BMPR1B: variants seen among roughly 807,000 people sequenced by gnomAD.
BMPR1B encodes bone morphogenetic protein receptor type 1B.
BMPR1B carries 12 observed loss-of-function variants against 59.1 expected under a neutral mutation model. That is an observed-to-expected ratio of 0.20 (90% CI 0.13 to 0.33). BMPR1B has a LOEUF of 0.33. Ranked by LOEUF, BMPR1B falls within the 10% of genes least tolerant of loss-of-function variation. The probability of loss-of-function intolerance (pLI) is 1.00; values close to 1 mark genes in which losing one functional copy is unlikely to be tolerated. For synonymous variants in BMPR1B, 237 were observed against 207.3 expected, an observed-to-expected ratio of 1.14 and a Z score of -1.23; for missense variants, 550 against 610.9, an observed-to-expected ratio of 0.90 and a Z score of 1.05.
chr4:94,949,951 T>TC (rs1729867120), intron 2 of BMPR1B, among the ~76,000 whole-genome samples: 1 of 152,200 alleles, frequency 6.6e-6, no homozygotes, highest in African/African-American at 2.4e-5. Flanking sequence ...CTCCAGCATC[T>TC]GTTGTTTCCT....
intron 2 of BMPR1B, among the ~76,000 whole-genome samples, chr4:94,927,199 C>G (rs1003847215): frequency 6.6e-6 from 1 of 152,094 alleles, no homozygotes; most frequent in Admixed American, 6.6e-5. Flanking sequence ...GCTTCAAACT[C>G]GTGCTAACAT....
intron 2 of BMPR1B, among the ~76,000 whole-genome samples, chr4:94,878,753 A>G (rs983935732): frequency 9.6e-6 from 1 of 104,506 alleles, no homozygotes; most frequent in African/African-American, 3.9e-5. Flanking sequence ...TTTTTTTTTT[A>G]CTTCTGATAT....
chr4:94,987,020 GAC>G (rs1278129650), intron 2 of BMPR1B, among the ~76,000 whole-genome samples: 1 of 126,190 alleles, frequency 7.9e-6, no homozygotes, highest in Non-Finnish European at 1.6e-5. Context: ...CAGCCTGGGC[GAC>G]AGAGCCAGAC....
intron 2 of BMPR1B, among the ~76,000 whole-genome samples, chr4:94,952,590 TGA>T (rs1177334074): frequency 6.6e-6 from 1 of 152,252 alleles, no homozygotes; most frequent in African/African-American, 2.4e-5. Context: ...TTCTTAATTC[TGA>T]GTTCTAATTT....
chr4:94,817,016 A>G (rs1578677414), intron 1 of BMPR1B, among the ~76,000 whole-genome samples: 1 of 152,140 alleles, frequency 6.6e-6, no homozygotes, highest in Non-Finnish European at 1.5e-5. Context: ...GGCCCTTAGA[A>G]AAAGACTTGA....
intron 2 of BMPR1B, among the ~76,000 whole-genome samples, chr4:94,952,495 T>TC (rs1449126185): frequency 1.3e-5 from 2 of 152,214 alleles, no homozygotes; most frequent in Non-Finnish European, 2.9e-5. Flanking sequence ...ACTTATTTAT[T>TC]TCTGCCTTAA....
At chr4:95,037,159 A>G (rs1578970199) in intron 3 of BMPR1B, among the ~76,000 whole-genome samples, 1 of 152,136 alleles carries the variant, frequency 6.6e-6, no homozygotes, top group East Asian at 1.9e-4. Context: ...CTTCCGTGTT[A>G]GTGGAGTGCT....
At chr4:94,915,164 A>T (rs1371280594) in intron 2 of BMPR1B, among the ~76,000 whole-genome samples, 1 of 152,330 alleles carries the variant, frequency 6.6e-6, no homozygotes, top group East Asian at 1.9e-4. Context: ...ATTATCACAG[A>T]TTAAATCACC....
intron 1 of BMPR1B, among the ~76,000 whole-genome samples, chr4:94,791,550 T>C (rs1329511383): frequency 6.6e-6 from 1 of 152,230 alleles, no homozygotes; most frequent in Non-Finnish European, 1.5e-5. Flanking sequence ...AAGATACTTA[T>C]CTAAATTAAT....
chr4:95,050,556 G>T (rs904068122), intron 3 of BMPR1B, among the ~76,000 whole-genome samples: 3 of 152,122 alleles, frequency 2.0e-5, no homozygotes, highest in Non-Finnish European at 4.4e-5. Context: ...GTGCAGGATG[G>T]GGTCAGGAGT....
intron 1 of BMPR1B, among the ~76,000 whole-genome samples, chr4:94,867,473 G>C (rs928584664): frequency 1.5e-4 from 23 of 152,132 alleles, no homozygotes; most frequent in African/African-American, 5.3e-4. Flanking sequence ...TACATCTACT[G>C]TCTTAATTCT....
At chr4:94,865,229 G>A (rs1199519184) in intron 1 of BMPR1B, among the ~76,000 whole-genome samples, 3 of 151,936 alleles carry the variant, frequency 2.0e-5, no homozygotes, top group Non-Finnish European at 4.4e-5. Flanking sequence ...GGCTGGTCTC[G>A]AACTGCCAAC....
chr4:95,154,767 C>G lies in BMPR1B; in HGVS notation c.*94C>G, dbSNP rs1735293578. The G allele has an allele frequency of 6.4e-7, 1 of 1,557,086 alleles. No individual in the cohort carries two copies. The highest frequency in any genetic ancestry group is 8.8e-7 in the Non-Finnish European group (1 of 1,132,694). On this transcript the variant is annotated 3_prime_UTR_variant, in exon 13 of 13. Transcript: ENST00000515059. ...AGACATCAAATAAGCATCCACAGTA[C>G]AAGCCTTGAACATCGTCCTGCTTCC... is the stretch of plus-strand genomic sequence containing the variant.
At chr4:94,825,540 A>G (rs1459916989) in intron 1 of BMPR1B, among the ~76,000 whole-genome samples, 1 of 152,048 alleles carries the variant, frequency 6.6e-6, no homozygotes, top group African/African-American at 2.4e-5. Context: ...ACAAAATAGT[A>G]CCATCTTTTT....
At chr4:95,130,734 T>C (rs1203637221) in intron 9 of BMPR1B, among the ~76,000 whole-genome samples, 1 of 139,542 alleles carries the variant, frequency 7.2e-6, no homozygotes, top group African/African-American at 2.7e-5. Flanking sequence ...TTTTTTTTTT[T>C]TTTTTTTTTT....
intron 3 of BMPR1B, among the ~76,000 whole-genome samples, chr4:95,097,029 T>C (rs976421547): frequency 8.9e-5 from 13 of 145,388 alleles, no homozygotes; most frequent in Non-Finnish European, 7.5e-5. Flanking sequence ...ATATAGTTTA[T>C]ATAATATAGT....
chr4:94,875,663 G>A (rs749288092), intron 1 of BMPR1B, among the ~76,000 whole-genome samples, 168 bp from the exon 2 acceptor site: 79 of 152,172 alleles, frequency 5.2e-4, no homozygotes, highest in Non-Finnish European at 1.8e-4. Context: ...CAGCCTGGGC[G>A]ATGGAGCGAG....
chr4:95,023,879 A>G (rs1032516729), intron 3 of BMPR1B, among the ~76,000 whole-genome samples: 2 of 152,200 alleles, frequency 1.3e-5, no homozygotes, highest in African/African-American at 2.4e-5. Context: ...AAGCTTTCAC[A>G]TAATATGTCA....
Position 94,920,685 on chromosome 4 carries a change from A to T in BMPR1B, c.-113+44785A>T, listed in dbSNP as rs140561808. The stretch of plus-strand genomic sequence containing the variant: ...GTTGCTGCCAAGGAGCATAAGCAGA[A>T]CCACAAAACATGCCACATGCTGGCT... On this transcript the variant is annotated intron_variant, in intron 2 of 12. Coordinates refer to ENST00000515059, the MANE Select transcript of BMPR1B (RefSeq NM_001203.3). 3.9e-3 allele frequency among the ~76,000 whole-genome samples: 600 copies of T among 152,338 alleles called. 8 individuals carry two copies. The highest frequency in any genetic ancestry group is 0.014 in the African/African-American group (578 of 41,582).
Sources: allele counts gnomAD v4.1 joint callset (sites outside exome capture counted in the v4.1 genomes callset), GRCh38; gene constraint gnomAD v4.1.1; transcripts MANE v1.5; gene names NCBI Gene and HGNC (gene_info 2026-07-23, HGNC 2026-07-21).